The following TPRG1 variants were observed in gnomAD, a reference collection of about 807,000 sequenced individuals.
The protein encoded by TPRG1 is tumor protein p63-regulated gene 1 protein.
A neutral mutation model predicts 29.3 loss-of-function variants in TPRG1; 29 were observed. The ratio of observed to expected loss-of-function variants is 0.99; its 90% CI spans 0.74 to 1.35. TPRG1 has a LOEUF of 1.35. Among genes scored for constraint, TPRG1 ranks in the 40% most tolerant of loss-of-function variants. The pLI is 0.00. For missense variants in TPRG1, 327 were observed against 335.0 expected (o/e 0.98, Z 0.19); for synonymous variants, 130 against 116.8 (o/e 1.11, Z -0.73).
At chr3:189,025,448 T>C (rs895040788) in intron 4 of TPRG1, among the ~76,000 whole-genome samples, 8 of 152,192 alleles carry the variant, frequency 5.3e-5, no homozygotes, top group Admixed American at 2.6e-4. Flanking sequence ...ATATTTCAGT[T>C]GAAGGTGCTG....
intron 3 of TPRG1, among the ~76,000 whole-genome samples, chr3:189,222,612 C>G (rs756863974): frequency 8.5e-5 from 13 of 152,162 alleles, no homozygotes; most frequent in Non-Finnish European, 1.9e-4. Context: ...TTCACAGGAT[C>G]CCCAGTTGAT....
intron 1 of TPRG1, among the ~76,000 whole-genome samples, chr3:189,105,460 C>A (rs887586465): frequency 7.2e-5 from 11 of 152,110 alleles, no homozygotes; most frequent in Non-Finnish European, 1.6e-4. Flanking sequence ...CATTGAGGCA[C>A]ACTTTGCCCC....
intron 4 of TPRG1, among the ~76,000 whole-genome samples, chr3:189,276,143 G>A (rs1367715721): frequency 1.3e-5 from 2 of 152,102 alleles, no homozygotes; most frequent in Admixed American, 1.3e-4. Flanking sequence ...AGGTAAGGAG[G>A]GTGTGAAGGG....
intron 5 of TPRG1, among the ~76,000 whole-genome samples, chr3:189,319,290 A>G (rs1490258486): frequency 6.6e-6 from 1 of 152,070 alleles, no homozygotes; most frequent in Non-Finnish European, 1.5e-5. Flanking sequence ...CCAGTTGCCT[A>G]TTGAAAATCT....
chr3:189,159,048 T>C (rs928997342), intron 5 of TPRG1, among the ~76,000 whole-genome samples: 6 of 152,138 alleles, frequency 3.9e-5, no homozygotes, highest in African/African-American at 1.2e-4. Flanking sequence ...GGGATTTTCT[T>C]TGGAGTAGCA....
At chr3:189,273,977 A>G (rs989135154) in intron 4 of TPRG1, among the ~76,000 whole-genome samples, 4 of 152,086 alleles carry the variant, frequency 2.6e-5, no homozygotes, top group African/African-American at 9.7e-5. Flanking sequence ...GCCCACTCCT[A>G]TGTGGAAATA....
chr3:189,091,812 C>G (rs1718355669), intron 4 of TPRG1, among the ~76,000 whole-genome samples: 1 of 152,036 alleles, frequency 6.6e-6, no homozygotes, highest in Admixed American at 6.6e-5. Context: ...TGTCTTGTAT[C>G]TTCTGTGTTA....
intron 1 of TPRG1, among the ~76,000 whole-genome samples, chr3:189,107,479 C>A (rs545014827): frequency 6.6e-6 from 1 of 152,228 alleles, no homozygotes; most frequent in East Asian, 1.9e-4. Context: ...TATTCATTTA[C>A]CTCATTTTAC....
At chr3:189,179,528 G>A (rs540164033) in intron 1 of TPRG1, among the ~76,000 whole-genome samples, 4 of 152,242 alleles carry the variant, frequency 2.6e-5, no homozygotes, top group Admixed American at 2.0e-4. Flanking sequence ...CAGTTGCATT[G>A]AGAGTGCCCC....
chr3:189,170,776 A>G (rs1358309115), upstream of TPRG1, among the ~76,000 whole-genome samples: 1 of 152,172 alleles, frequency 6.6e-6, no homozygotes, highest in Non-Finnish European at 1.5e-5. Context: ...GCCAGTTTGC[A>G]CTTCATTTCC....
At position 189,312,106 on chromosome 3, in the gene TPRG1, T is replaced by TC. The variant is rs1464713944; in HGVS notation, c.633+1567_633+1568insC. On this transcript the variant is annotated intron_variant, in intron 5 of 5. Coordinates refer to ENST00000345063, the MANE Select transcript of TPRG1 (RefSeq NM_198485.4). The stretch of plus-strand genomic sequence containing the variant: ...GTTTCTTTCTTTCTTTGTTTCTTTG[T>TC]TTCTTTCTTTGTTTCTTTCTTTCTT... Among the ~76,000 whole-genome samples the TC allele has an allele frequency of 5.1e-4, 38 of 74,870 alleles. 2 individuals are homozygous for TC. Among genetic ancestry groups the TC allele is most frequent in the South Asian group, 1.1e-3 (3 of 2,780 alleles). The allele number at this position is 74,870 out of a possible 152,430, so 49.1% of individuals were successfully genotyped here. A position where few individuals can be genotyped will look rare whatever the true frequency, so the allele number is the denominator to read the frequency against.
At position 189,197,327 on chromosome 3, in the gene TPRG1, G is replaced by A. The variant is rs377008457; in HGVS notation, c.-9-10049G>A. Among the ~76,000 whole-genome samples the A allele has an allele frequency of 8.5e-5, 13 of 152,262 alleles. No individual in the cohort carries two copies. In the East Asian group the frequency reaches 1.7e-3, roughly 20 times the overall value. On this transcript the variant is annotated intron_variant, in intron 1 of 5. Coordinates refer to ENST00000345063, the MANE Select transcript of TPRG1 (RefSeq NM_198485.4). ...CTGAGTCTTTACAGGCTCTCCGAGT[G>A]CATTATCAGGACCCACATCTTTAGC...
At chr3:189,155,362 A>C (rs1237891767) in intron 5 of TPRG1, among the ~76,000 whole-genome samples, 1 of 152,118 alleles carries the variant, frequency 6.6e-6, no homozygotes, top group Non-Finnish European at 1.5e-5. Context: ...TATTTTTGCT[A>C]TGTTGTAGGC....
intron 3 of TPRG1, among the ~76,000 whole-genome samples, chr3:189,005,857 T>C (rs1315925225): frequency 6.6e-6 from 1 of 152,092 alleles, no homozygotes; most frequent in East Asian, 1.9e-4. Context: ...TCAGCAGTAA[T>C]TGAGCACTTA....
At chr3:189,270,861 A>G (rs1032172216) in intron 4 of TPRG1, among the ~76,000 whole-genome samples, 2 of 152,176 alleles carry the variant, frequency 1.3e-5, no homozygotes, top group South Asian at 2.1e-4. Flanking sequence ...ACATTGAAAC[A>G]TGTTTTTTCC....
intron 4 of TPRG1, among the ~76,000 whole-genome samples, chr3:189,277,404 T>C (rs1418834498): frequency 6.6e-6 from 1 of 152,158 alleles, no homozygotes; most frequent in African/African-American, 2.4e-5. Context: ...AGGAATTGAT[T>C]TGGGTGGTCT....
chr3:189,071,070 A>G (rs867276031), intron 4 of TPRG1, among the ~76,000 whole-genome samples: 5,287 of 147,556 alleles, frequency 0.036, 292 homozygotes, highest in African/African-American at 0.13. Flanking sequence ...AGAAAAAGAA[A>G]AAAAAAAAAA....
At chr3:189,002,504 T>C (rs1429290687) in intron 2 of TPRG1, among the ~76,000 whole-genome samples, 3 of 152,132 alleles carry the variant, frequency 2.0e-5, no homozygotes, top group African/African-American at 7.2e-5. Flanking sequence ...AGAGTCATAC[T>C]ATGTAGGAAG....
intron 1 of TPRG1, among the ~76,000 whole-genome samples, chr3:189,198,496 A>C (rs984626437): frequency 5.3e-5 from 8 of 152,246 alleles, no homozygotes; most frequent in African/African-American, 1.9e-4. Context: ...GCTTTAGCAC[A>C]GAACTTCATT....
Sources: allele counts gnomAD v4.1 joint callset (sites outside exome capture counted in the v4.1 genomes callset), GRCh38; gene constraint gnomAD v4.1.1; transcripts MANE v1.5; gene names NCBI Gene and HGNC (gene_info 2026-07-23, HGNC 2026-07-21).